CYP2C19: variants seen among roughly 807,000 people sequenced by gnomAD.
CYP2C19 encodes cytochrome P450 family 2 subfamily C member 19.
CYP2C19 carries 59 observed loss-of-function variants against 40.9 expected under a neutral mutation model. That is an observed-to-expected ratio of 1.44 (90% CI 1.17 to 1.79). The LOEUF (loss-of-function observed/expected upper bound fraction) is 1.79. Ranked by LOEUF, CYP2C19 falls within the 40% of genes most tolerant of loss-of-function variation. The pLI, the probability that CYP2C19 is intolerant of heterozygous loss-of-function variation, is 0.00. For missense variants in CYP2C19, 754 were observed against 596.9 expected, an observed-to-expected ratio of 1.26 and a Z score of -2.74; for synonymous variants, 253 against 208.7, an observed-to-expected ratio of 1.21 and a Z score of -1.83.
chr10:94,770,514 T>G (rs1025540903), intron 1 of CYP2C19, among the ~76,000 whole-genome samples: 1 of 152,038 alleles, frequency 6.6e-6, no homozygotes, highest in Non-Finnish European at 1.5e-5. Context: ...TGGTACCTAT[T>G]ATAGAACACT....
intron 7 of CYP2C19, among the ~76,000 whole-genome samples, chr10:94,845,521 T>A (rs796094904): frequency 6.6e-6 from 1 of 152,202 alleles, no homozygotes; most frequent in Non-Finnish European, 1.5e-5. Flanking sequence ...CTCGATTGAT[T>A]TGTGTCCTAT....
intron 6 of CYP2C19, among the ~76,000 whole-genome samples, chr10:94,840,434 A>G (rs925218386): frequency 6.6e-6 from 1 of 151,888 alleles, no homozygotes; most frequent in Non-Finnish European, 1.5e-5. Context: ...TCCCTGGGTT[A>G]TAGCCTAGGT....
chr10:94,765,737 G>T (rs1848231546), intron 1 of CYP2C19, among the ~76,000 whole-genome samples: 11 of 152,208 alleles, frequency 7.2e-5, no homozygotes. Context: ...CAGGGAGGAG[G>T]TGATGATATT....
At chr10:94,800,516 G>A (rs1230521773) in intron 5 of CYP2C19, among the ~76,000 whole-genome samples, 1 of 152,212 alleles carries the variant, frequency 6.6e-6, no homozygotes, top group African/African-American at 2.4e-5. Context: ...TCTGTTCTCA[G>A]AGCTCAAACG....
chr10:94,852,680 A>G (rs926702129), intron 8 of CYP2C19, 53 bp from the exon 9 acceptor site: 2 of 1,582,330 alleles, frequency 1.3e-6, no homozygotes, highest in Non-Finnish European at 1.7e-6. Context: ...AGTGTTTGTC[A>G]CTCTCACAGT....
chr10:94,820,308 G>A (rs1017169618), intron 5 of CYP2C19, among the ~76,000 whole-genome samples, 188 bp from the exon 6 acceptor site: 2 of 151,990 alleles, frequency 1.3e-5, no homozygotes, highest in Admixed American at 6.6e-5. Flanking sequence ...AAAACTGGAA[G>A]CATTCCCTTT....
chr10:94,829,459 C>A (rs866746950), intron 6 of CYP2C19, among the ~76,000 whole-genome samples: 3 of 152,312 alleles, frequency 2.0e-5, no homozygotes, highest in South Asian at 4.1e-4. Context: ...GCTCCTGAGA[C>A]TTCTGCATTC....
intron 6 of CYP2C19, among the ~76,000 whole-genome samples, chr10:94,821,056 C>T (rs1377917392): frequency 6.6e-6 from 1 of 151,842 alleles, no homozygotes; most frequent in African/African-American, 2.4e-5. Flanking sequence ...GCACTCTAGC[C>T]TGGGTGACAG....
chr10:94,848,312 C>A (rs1849602555), intron 7 of CYP2C19, among the ~76,000 whole-genome samples: 2 of 152,156 alleles, frequency 1.3e-5, no homozygotes, highest in Non-Finnish European at 2.9e-5. Flanking sequence ...TCAGTTTTCC[C>A]AGCACCATTT....
At chr10:94,794,784 C>G (rs1848658927) in intron 5 of CYP2C19, among the ~76,000 whole-genome samples, 1 of 152,020 alleles carries the variant, frequency 6.6e-6, no homozygotes. Flanking sequence ...AGTTGCTTAT[C>G]AGCTTAAGGA....
At chr10:94,816,430 T>G (rs1290654524) in intron 5 of CYP2C19, among the ~76,000 whole-genome samples, 1 of 152,056 alleles carries the variant, frequency 6.6e-6, no homozygotes, top group African/African-American at 2.4e-5. Flanking sequence ...TTAGAGAAAA[T>G]ATAAGTGGTA....
At position 94,809,331 on chromosome 10, in the gene CYP2C19, G is replaced by T. The variant is rs12763180; in HGVS notation, c.820-11165G>T. On this transcript the variant is annotated intron_variant, in intron 5 of 8. Coordinates refer to ENST00000371321, the MANE Select transcript of CYP2C19 (RefSeq NM_000769.4). ...TTTGAGCTCCTTATATAGTCTGGTTGTTAATCCCCTGTTAGAGGGGTAGTT... is the reference window on the plus strand; with the variant it reads ...TTTGAGCTCCTTATATAGTCTGGTTTTTAATCCCCTGTTAGAGGGGTAGTT... 2.4e-3 allele frequency among the ~76,000 whole-genome samples: 368 copies of T among 152,216 alleles called. 1 individual carries two copies. Among genetic ancestry groups the T allele is most frequent in the Non-Finnish European group, 4.2e-3 (283 of 67,980 alleles).
rs748809328 is a variant in CYP2C19, at chr10:94,780,618, T to C, written c.601T>C (p.Leu201=). 1 of 1,613,822 alleles carries C rather than the reference T, an allele frequency of 6.2e-7. No individual in the cohort carries two copies. Among genetic ancestry groups the C allele is most frequent in the South Asian group, 1.1e-5 (1 of 91,066 alleles). ...GCAATTTCTTAACTTGATGGAAAAA[T>C]TGAATGAAAACATCAGGATTGTAAG... ...DQQFLNLMEK[L]NENIRIVSTP... Residue 201 remains leucine, a synonymous_variant, in exon 4 of 9, where the codon TTG becomes CTG. Coordinates refer to ENST00000371321, the MANE Select transcript of CYP2C19 (RefSeq NM_000769.4).
chr10:94,840,298 C>G (rs577873899), intron 6 of CYP2C19, among the ~76,000 whole-genome samples: 9 of 151,182 alleles, frequency 6.0e-5, no homozygotes, highest in African/African-American at 2.2e-4. Flanking sequence ...GTCTCTCTCT[C>G]TGTCTCTCTC....
chr10:94,778,518 A>G (rs1848440220), intron 3 of CYP2C19, among the ~76,000 whole-genome samples: 1 of 152,226 alleles, frequency 6.6e-6, no homozygotes, highest in Non-Finnish European at 1.5e-5. Context: ...ATATGAAAAA[A>G]AGCTCATCAC....
intron 5 of CYP2C19, among the ~76,000 whole-genome samples, chr10:94,808,317 G>A (rs560704202): frequency 6.6e-6 from 1 of 152,128 alleles, no homozygotes; most frequent in African/African-American, 2.4e-5. Context: ...TACACAGAAG[G>A]TATATATATT....
At chr10:94,777,604 G>A (rs1848425751) in intron 3 of CYP2C19, among the ~76,000 whole-genome samples, 1 of 152,140 alleles carries the variant, frequency 6.6e-6, no homozygotes, top group African/African-American at 2.4e-5. Flanking sequence ...GCCATATGCA[G>A]AAAACAGAAA....
chr10:94,785,206 G>T (rs754157994), intron 5 of CYP2C19, among the ~76,000 whole-genome samples: 1 of 151,772 alleles, frequency 6.6e-6, no homozygotes, highest in Non-Finnish European at 1.5e-5. Flanking sequence ...TTGCTCCTCT[G>T]GTATCAAATT....
chr10:94,818,201 G>A (rs1198580417), intron 5 of CYP2C19, among the ~76,000 whole-genome samples: 2 of 145,610 alleles, frequency 1.4e-5, no homozygotes, highest in Admixed American at 6.9e-5. Flanking sequence ...GATAGTTGTA[G>A]GTATGCGGCG....
Sources: allele counts gnomAD v4.1 joint callset (sites outside exome capture counted in the v4.1 genomes callset), GRCh38; gene constraint gnomAD v4.1.1; transcripts MANE v1.5; gene names NCBI Gene and HGNC (gene_info 2026-07-23, HGNC 2026-07-21).